DNAH11: variants seen among roughly 807,000 people sequenced by gnomAD.
DNAH11 encodes the protein dynein axonemal heavy chain 11, also known as axonemal beta dynein heavy chain 11.
A neutral mutation model predicts 526.0 loss-of-function variants in DNAH11; 442 were observed. That is an observed-to-expected ratio of 0.84 (90% CI 0.78 to 0.91). The LOEUF is 0.91. Ranked by LOEUF, DNAH11 falls within the 40% of genes least tolerant of loss-of-function variation. The pLI is 0.00. For synonymous variants in DNAH11, 2,461 were observed against 1,935.9 expected (o/e 1.27, Z -7.12); for missense variants, 6,989 against 5,448.7 (o/e 1.28, Z -8.90).
intron 80 of DNAH11, 58 bp downstream of exon 80, chr7:21,899,506 C>T: frequency 1.5e-6 from 2 of 1,373,370 alleles, no homozygotes; most frequent in Non-Finnish European, 2.0e-6. Flanking sequence ...TAACCAGAAG[C>T]CCTGCTTTGT....
At chr7:21,643,473 A>G (rs1787213033) in intron 28 of DNAH11, among the ~76,000 whole-genome samples, 1 of 152,204 alleles carries the variant, frequency 6.6e-6, no homozygotes, top group African/African-American at 2.4e-5. Context: ...GAGCTATACT[A>G]AAGAAAGACT....
Position 21,773,756 on chromosome 7 carries a change from G to T in DNAH11, c.9103-10G>T. The T allele has an allele frequency of 2.7e-6, 4 of 1,485,012 alleles. No individual in the cohort carries two copies. Among genetic ancestry groups the T allele is most frequent in the South Asian group, 1.5e-5 (1 of 68,756 alleles). The allele number at this position is 1,485,012 out of a possible 1,614,324, so 92.0% of individuals were successfully genotyped here. A position where few individuals can be genotyped will look rare whatever the true frequency, so the allele number is the denominator to read the frequency against. On this transcript the variant is annotated splice_polypyrimidine_tract_variant and intron_variant, in intron 55 of 81. Coordinates refer to ENST00000409508, the MANE Select transcript of DNAH11 (RefSeq NM_001277115.2). ...GGATTTCACATGAACTGTAATGTTT[G>T]TGTTTTCAGCCAGTGCACAAAGACT... is the stretch of plus-strand genomic sequence containing the variant.
intron 62 of DNAH11, among the ~76,000 whole-genome samples, chr7:21,802,235 T>C (rs926903189): frequency 3.3e-5 from 5 of 152,212 alleles, no homozygotes; most frequent in African/African-American, 4.8e-5. Flanking sequence ...CCTGAAAAGA[T>C]GCTCAACTCC....
rs2128453076 is a variant in DNAH11, at chr7:21,617,622, A to G, written c.4099A>G (p.Ile1367Val). The change falls in exon 23 of 82, where the codon ATT (isoleucine) becomes GTT (valine). Residue 1367 changes from isoleucine (I) to valine (V), a missense_variant. Transcript: ENST00000409508. Reference sequence around the variant, plus strand: ...TTTTTCCTCCACTTTTCTTTAGGAAATTTGGTCACTCAACAAGGAAGTCCG... The same window carrying G: ...TTTTTCCTCCACTTTTCTTTAGGAAGTTTGGTCACTCAACAAGGAAGTCCG... ...DVELRRFAKEIWSLNKEVRVW... is the reference protein window; with the variant it reads ...DVELRRFAKEVWSLNKEVRVW... The G allele has an allele frequency of 6.8e-6, 11 of 1,613,664 alleles. No individual in the cohort carries two copies. The highest frequency in any genetic ancestry group is 9.3e-6 in the Non-Finnish European group (11 of 1,179,740).
intron 76 of DNAH11, among the ~76,000 whole-genome samples, chr7:21,888,682 G>T (rs552669366): frequency 3.6e-4 from 55 of 152,018 alleles, no homozygotes; most frequent in Non-Finnish European, 7.5e-4. Flanking sequence ...TAGAGATGGG[G>T]TTTCACCATG....
At chr7:21,806,465 A>T (rs537211293) in intron 62 of DNAH11, among the ~76,000 whole-genome samples, 1 of 152,316 alleles carries the variant, frequency 6.6e-6, no homozygotes, top group South Asian at 2.1e-4. Context: ...TTAATAAGCA[A>T]AGCAGGGAGA....
intron 28 of DNAH11, among the ~76,000 whole-genome samples, chr7:21,641,723 A>G (rs1701914723): frequency 6.6e-6 from 1 of 152,182 alleles, no homozygotes; most frequent in African/African-American, 2.4e-5. Context: ...TTTTTACAAC[A>G]TGACTTCGGT....
At chr7:21,592,062 A>AC (rs1319137340) in intron 14 of DNAH11, among the ~76,000 whole-genome samples, 3 of 151,894 alleles carry the variant, frequency 2.0e-5, no homozygotes, top group African/African-American at 7.3e-5. Flanking sequence ...AAAACAGAAA[A>AC]AAAACACACA....
intron 39 of DNAH11, among the ~76,000 whole-genome samples, chr7:21,707,280 C>G (rs898637565): frequency 7.2e-5 from 11 of 152,210 alleles, no homozygotes; most frequent in African/African-American, 2.4e-4. Flanking sequence ...TGGGATTGGG[C>G]TCAGCAATCT....
intron 68 of DNAH11, among the ~76,000 whole-genome samples, chr7:21,858,658 A>C (rs1338499306): frequency 1.3e-5 from 2 of 152,216 alleles, no homozygotes; most frequent in African/African-American, 4.8e-5. Flanking sequence ...AAATTATAGA[A>C]AAGGCAAAAT....
intron 57 of DNAH11, among the ~76,000 whole-genome samples, chr7:21,784,034 A>G (rs996077507): frequency 1.3e-5 from 2 of 152,240 alleles, no homozygotes; most frequent in Admixed American, 6.5e-5. Flanking sequence ...AATCCTAGGA[A>G]GAACATTTTG....
At chr7:21,738,918 GATA>G in intron 47 of DNAH11, 52 bp downstream of exon 47, 2 of 1,307,870 alleles carry the variant, frequency 1.5e-6, no homozygotes, top group African/African-American at 1.5e-5. Context: ...AATTATTATG[GATA>G]ATAATTACTA....
intron 4 of DNAH11, 111 bp from the exon 5 acceptor site, chr7:21,560,960 T>C (rs1783433509): frequency 1.3e-6 from 1 of 751,338 alleles, no homozygotes; most frequent in Admixed American, 2.8e-5. Flanking sequence ...GAGTGTTAAA[T>C]ACTGTATCAC....
rs141724055 is a variant in DNAH11, at chr7:21,667,594, A to G, written c.5328+8563A>G. ...ATGAGAGATGGAGGTAAGAGAAAAA[A>G]GGATTTGTCACCCATATATGCCATT... On this transcript the variant is annotated intron_variant, in intron 30 of 81. Transcript: ENST00000409508. Among the ~76,000 whole-genome samples, 511 of 152,276 alleles carry G rather than the reference A, an allele frequency of 3.4e-3. 3 individuals are homozygous for G. Among genetic ancestry groups the G allele is most frequent in the African/African-American group, 0.012 (490 of 41,574 alleles).
intron 2 of DNAH11, among the ~76,000 whole-genome samples, chr7:21,552,336 T>G (rs1310946438): frequency 6.6e-6 from 1 of 152,226 alleles, no homozygotes; most frequent in East Asian, 1.9e-4. Context: ...ATTTATTACA[T>G]ACAGTAGCCA....
intron 2 of DNAH11, among the ~76,000 whole-genome samples, chr7:21,557,541 A>C (rs899301886): frequency 2.0e-5 from 3 of 152,066 alleles, no homozygotes; most frequent in Non-Finnish European, 4.4e-5. Context: ...TTTTATGGAG[A>C]CACTAATCCC....
intron 30 of DNAH11, among the ~76,000 whole-genome samples, chr7:21,663,683 G>T (rs1782319637): frequency 6.6e-6 from 1 of 151,062 alleles, no homozygotes; most frequent in African/African-American, 2.4e-5. Context: ...AGATCATACA[G>T]TATTTGTTTT....
At chr7:21,849,002 C>T (rs1453192788) in intron 66 of DNAH11, among the ~76,000 whole-genome samples, 1 of 152,196 alleles carries the variant, frequency 6.6e-6, no homozygotes, top group African/African-American at 2.4e-5. Flanking sequence ...TCTCCTGCCT[C>T]AGCCTCCCGA....
chr7:21,588,439 T>C lies in DNAH11; in HGVS notation c.1849-73T>C, dbSNP rs72655992. On this transcript the variant is annotated intron_variant, in intron 10 of 81. Coordinates refer to ENST00000409508, the MANE Select transcript of DNAH11 (RefSeq NM_001277115.2). Reference sequence around the variant, plus strand: ...ACTGTAAAAATACCAAAATGAAAAATTGCTTACAGGGTTGGAAACCATTCT... The same window carrying C: ...ACTGTAAAAATACCAAAATGAAAAACTGCTTACAGGGTTGGAAACCATTCT... The C allele has an allele frequency of 9.6e-4, 1,487 of 1,556,860 alleles. 20 individuals carry two copies. The African/African-American group carries it at 0.018, about 19-fold the overall frequency.
Sources: gnomAD v4.1 joint callset for allele counts (sites outside exome capture counted in the v4.1 genomes callset) on GRCh38, gnomAD v4.1.1 for gene constraint, MANE v1.5 for transcripts, NCBI Gene and HGNC (gene_info 2026-07-23, HGNC 2026-07-21) for gene names.